DMRT3: variants seen among roughly 807,000 people sequenced by gnomAD.
DMRT3 encodes the protein doublesex and mab-3 related transcription factor 3, also known as doublesex- and mab-3-related transcription factor 3.
A neutral mutation model predicts 34.9 loss-of-function variants in DMRT3; 29 were observed. That is an observed-to-expected ratio of 0.83 (90% CI 0.62 to 1.13). The LOEUF is 1.13. DMRT3 is among the 50% of genes most tolerant of loss of function. DMRT3 has a pLI of 0.00. For synonymous variants in DMRT3, 350 were observed against 286.0 expected (o/e 1.22, Z -2.26); for missense variants, 772 against 629.1 (o/e 1.23, Z -2.43).
intron 1 of DMRT3, among the ~76,000 whole-genome samples, chr9:987,257 A>G (rs1820297414): frequency 6.6e-6 from 1 of 152,178 alleles, no homozygotes; most frequent in Non-Finnish European, 1.5e-5. Flanking sequence ...TTTCTCTCTG[A>G]ATTTCCCTAT....
rs1045672032 is a variant in DMRT3, at chr9:990,623, C to T, written c.1037C>T (p.Ser346Phe). Residue 346 changes from serine to phenylalanine, a missense_variant, in exon 2 of 2, where the codon TCT becomes TTT. Transcript: ENST00000190165. ...GACACGTTGAGGTTTTCTGCCGACT[C>T]TAGCAACGTTGTCCCCAGTCCCTTG... The part of the protein sequence containing the change: ...VPDTLRFSAD[S>F]SNVVPSPLAG... The T allele has an allele frequency of 1.2e-6, 2 of 1,614,194 alleles. No homozygotes were observed. Among genetic ancestry groups the T allele is most frequent in the Admixed American group, 3.3e-5 (2 of 60,024 alleles).
chr9:982,342 G>C lies in DMRT3; in HGVS notation c.454+4887G>C, dbSNP rs573825582. On this transcript the variant is annotated intron_variant, in intron 1 of 1. Coordinates refer to ENST00000190165, the MANE Select transcript of DMRT3 (RefSeq NM_021240.4). Reference sequence around the variant, plus strand: ...GAGTGTGTTCCACGTCTAGGAACCAGAGTTCTACTGCCATCTGGGAAAGAA... The same window carrying C: ...GAGTGTGTTCCACGTCTAGGAACCACAGTTCTACTGCCATCTGGGAAAGAA... Among the ~76,000 whole-genome samples the C allele has an allele frequency of 3.1e-3, 471 of 152,344 alleles. 1 individual carries two copies. Among genetic ancestry groups the C allele is most frequent in the Non-Finnish European group, 5.2e-3 (351 of 68,030 alleles).
chr9:976,849 G>C lies in DMRT3; in HGVS notation c.-153G>C. 1.3e-6 allele frequency: 1 copy of C among 744,244 alleles called. No homozygotes were observed. The highest frequency in any genetic ancestry group is 1.9e-6 in the Non-Finnish European group (1 of 528,128). 46.1% of individuals were successfully genotyped at this position (744,244 alleles called of 1,614,324 possible). A position where few individuals can be genotyped will look rare whatever the true frequency, so the allele number is the denominator to read the frequency against. On this transcript the variant is annotated 5_prime_UTR_variant, in exon 1 of 2. Coordinates refer to ENST00000190165, the MANE Select transcript of DMRT3 (RefSeq NM_021240.4). This position sits in a 1 kb window ranked among gnomAD's most constrained non-coding sequence, Gnocchi z 4.5. ...CTGGAGAGACGACTGCGGCACCTCCGGCCGCCCCGGAGCACACACGACCAC... is the reference window on the plus strand; with the variant it reads ...CTGGAGAGACGACTGCGGCACCTCCCGCCGCCCCGGAGCACACACGACCAC...
chr9:979,037 C>T (rs1820185346), intron 1 of DMRT3, among the ~76,000 whole-genome samples: 2 of 152,114 alleles, frequency 1.3e-5, no homozygotes, highest in African/African-American at 2.4e-5. Flanking sequence ...TTTTCCATTT[C>T]CAGCTTCTCT....
chr9:976,876 G>C lies in DMRT3; in HGVS notation c.-126G>C, dbSNP rs181762312. 8 of 1,046,172 alleles carry C rather than the reference G, an allele frequency of 7.6e-6. No individual in the cohort carries two copies. The highest frequency in any genetic ancestry group is 8.9e-6 in the Non-Finnish European group (7 of 789,660). 64.8% of individuals were successfully genotyped at this position (1,046,172 alleles called of 1,614,324 possible). ...CCGCCCCGGAGCACACACGACCACC[G>C]GGGCTGCGGGACCAAGGGCCGCGTC... On this transcript the variant is annotated 5_prime_UTR_variant, in exon 1 of 2. Coordinates refer to ENST00000190165, the MANE Select transcript of DMRT3 (RefSeq NM_021240.4). The surrounding 1 kb of genome is among the most constrained non-coding windows in gnomAD (Gnocchi z 4.5).
chr9:977,359 C>A lies in DMRT3; in HGVS notation c.358C>A (p.Pro120Thr). The change falls in exon 1 of 2, where the codon CCG becomes ACG. Residue 120 changes from proline (P) to threonine (T), a missense_variant. Physicochemically the swap from Pro to Thr is conservative, Grantham distance 38. Transcript: ENST00000190165. ...PPASQPSQPQ[P>T]PRPAAELAAA... ...AGCCTCTCAGCCGTCGCAGCCGCAG[C>A]CGCCGCGCCCTGCTGCCGAGTTGGC... The A allele has an allele frequency of 8.1e-7, 1 of 1,233,340 alleles. No homozygotes were observed. Among genetic ancestry groups the A allele is most frequent in the Non-Finnish European group, 1.0e-6 (1 of 991,204 alleles). 76.4% of individuals were successfully genotyped at this position (1,233,340 alleles called of 1,614,324 possible).
chr9:990,678 G>A lies in DMRT3; in HGVS notation c.1092G>A (p.Gln364=). The A allele has an allele frequency of 3.1e-6, 5 of 1,613,992 alleles. No homozygotes were observed. The highest frequency in any genetic ancestry group is 4.2e-6 in the Non-Finnish European group (5 of 1,179,984). ...GGCCTCTGCAGCCCCCTTTCCCCCA[G>A]CCACCCCGGTACCCGCTGATGCTGA... ...LAGPLQPPFP[Q]PPRYPLMLRN... The change falls in exon 2 of 2, where the codon CAG becomes CAA. Residue 364 remains glutamine (Q), a synonymous_variant. Coordinates refer to ENST00000190165, the MANE Select transcript of DMRT3 (RefSeq NM_021240.4).
At chr9:978,881 TTTTATA>T (rs1407110533) in intron 1 of DMRT3, among the ~76,000 whole-genome samples, 1 of 152,210 alleles carries the variant, frequency 6.6e-6, no homozygotes, top group Admixed American at 6.5e-5. Context: ...TGTCTCATCT[TTTTATA>T]TTTATGGATT....
intron 1 of DMRT3, among the ~76,000 whole-genome samples, chr9:985,939 T>C (rs1311737273): frequency 6.6e-6 from 1 of 152,200 alleles, no homozygotes; most frequent in Non-Finnish European, 1.5e-5. Context: ...AGCTGGTTGG[T>C]TGGTTTACGC....
intron 1 of DMRT3, among the ~76,000 whole-genome samples, chr9:984,594 C>T (rs918428968): frequency 7.9e-5 from 12 of 151,964 alleles, no homozygotes; most frequent in Non-Finnish European, 1.5e-4. Context: ...GTAGCTGGGA[C>T]TACAGGCACC....
chr9:990,930 G>A lies in DMRT3; in HGVS notation c.1344G>A (p.Gln448=). 6.2e-7 allele frequency: 1 copy of A among 1,614,094 alleles called. No homozygotes were observed. The highest frequency in any genetic ancestry group is 8.5e-7 in the Non-Finnish European group (1 of 1,180,034). The change falls in exon 2 of 2, where the codon CAG becomes CAA. Residue 448 remains glutamine, a synonymous_variant. Transcript: ENST00000190165. ...PDDGCPFVSK[Q]SIYTEDDYDE... ...ATGGGTGTCCATTTGTGTCAAAGCA[G>A]TCCATTTACACCGAGGACGACTATG...
At chr9:982,151 C>T (rs1272258762) in intron 1 of DMRT3, among the ~76,000 whole-genome samples, 2 of 152,216 alleles carry the variant, frequency 1.3e-5, no homozygotes, top group African/African-American at 4.8e-5. Context: ...AGGCCTAGGC[C>T]TTCCTCACCC....
At position 990,109 on chromosome 9, in the gene DMRT3, A is replaced by G. The variant is rs750391764; in HGVS notation, c.523A>G (p.Thr175Ala). Residue 175 changes from threonine (T) to alanine (A), a missense_variant, in exon 2 of 2, where the codon ACT becomes GCT. Physicochemically the swap from Thr to Ala is moderately conservative, Grantham distance 58. Transcript: ENST00000190165. The stretch of plus-strand genomic sequence containing the variant: ...TACAGAGGTCTTCAGTGACAAAGAC[A>G]CTGACCAGAGGAGTTCCCCAGATGT... The part of the protein sequence containing the change: ...DNTEVFSDKD[T>A]DQRSSPDVAK... The G allele has an allele frequency of 1.1e-5, 18 of 1,613,942 alleles. No homozygotes were observed. In the East Asian group the frequency reaches 3.6e-4, roughly 32 times the overall value.
rs547116639 is a variant in DMRT3 at position 983,111 on chromosome 9, T to C, written c.454+5656T>C. Among the ~76,000 whole-genome samples the C allele has an allele frequency of 2.7e-3, 412 of 152,326 alleles. 2 individuals carry two copies. The highest frequency in any genetic ancestry group is 9.5e-3 in the African/African-American group (396 of 41,570). On this transcript the variant is annotated intron_variant, in intron 1 of 1. Transcript: ENST00000190165. ...ACTGTTCTCAGAAGGGAAACTAAAA[T>C]AACTAGGTATGGGGTTTTTTTGCAT...
At chr9:988,078 G>C (rs1820307321) in intron 1 of DMRT3, among the ~76,000 whole-genome samples, 2 of 152,026 alleles carry the variant, frequency 1.3e-5, no homozygotes, top group Non-Finnish European at 2.9e-5. Context: ...TAACTCAAGA[G>C]GTAAAAGCTG....
intron 1 of DMRT3, among the ~76,000 whole-genome samples, chr9:979,629 C>T (rs1035548168): frequency 2.6e-5 from 4 of 151,996 alleles, no homozygotes; most frequent in Non-Finnish European, 5.9e-5. Flanking sequence ...CAAATCACCA[C>T]TCTGATGGGG....
In DMRT3 at chr9:991,324, C is replaced by G; in HGVS notation, c.*319C>G. ...GTAAAGCTGAAGGTCAGCCTTGCAC[C>G]TAAACCCAACCTGGAATGTTAAATG... On this transcript the variant is annotated 3_prime_UTR_variant, in exon 2 of 2. Coordinates refer to ENST00000190165, the MANE Select transcript of DMRT3 (RefSeq NM_021240.4). The G allele has an allele frequency of 4.4e-6, 1 of 227,430 alleles. No individual in the cohort carries two copies. Among genetic ancestry groups the G allele is most frequent in the East Asian group, 9.8e-5 (1 of 10,244 alleles). 14.1% of individuals were successfully genotyped at this position (227,430 alleles called of 1,614,324 possible).
intron 1 of DMRT3, among the ~76,000 whole-genome samples, chr9:982,878 C>A (rs1260072698): frequency 6.6e-6 from 1 of 152,170 alleles, no homozygotes; most frequent in African/African-American, 2.4e-5. Flanking sequence ...AAACCTGTTG[C>A]AGCCCCTTAG....
chr9:987,959 G>A (rs1237888239), intron 1 of DMRT3, among the ~76,000 whole-genome samples: 1 of 152,176 alleles, frequency 6.6e-6, no homozygotes, highest in African/African-American at 2.4e-5. Flanking sequence ...TATGGGTCAT[G>A]AGTCAGGAAC....
Sources: allele counts gnomAD v4.1 joint callset (sites outside exome capture counted in the v4.1 genomes callset), GRCh38; gene constraint gnomAD v4.1.1; non-coding constraint Gnocchi (gnomAD v3.1); transcripts MANE v1.5; gene names NCBI Gene and HGNC (gene_info 2026-07-23, HGNC 2026-07-21).